The following PDE4B variants were observed in gnomAD, a reference collection of about 807,000 sequenced individuals.
PDE4B encodes the protein phosphodiesterase 4B.
In PDE4B, 20 loss-of-function variants were observed where a neutral mutation model predicts 82.2. That is an observed-to-expected ratio of 0.24 (90% CI 0.17 to 0.35). The LOEUF (loss-of-function observed/expected upper bound fraction) is 0.35, where lower values mean the gene tolerates loss of function less well. PDE4B is among the 10% of genes least tolerant of loss of function. The pLI, the probability that PDE4B is intolerant of heterozygous loss-of-function variation, is 1.00. For synonymous variants in PDE4B, 320 were observed against 318.9 expected, an observed-to-expected ratio of 1.00 and a Z score of -0.04; for missense variants, 655 against 907.2, an observed-to-expected ratio of 0.72 and a Z score of 3.57.
chr1:65,919,056 T>G (rs769043622), intron 3 of PDE4B, among the ~76,000 whole-genome samples: 1 of 152,200 alleles, frequency 6.6e-6, no homozygotes, highest in South Asian at 2.1e-4. Context: ...TTAAAGCTAC[T>G]GAGGAAGGAA....
intron 3 of PDE4B, among the ~76,000 whole-genome samples, chr1:65,962,038 A>G (rs1354889433): frequency 2.0e-5 from 3 of 152,346 alleles, no homozygotes; most frequent in Middle Eastern, 6.8e-3. Flanking sequence ...TGCACTTAAT[A>G]TACGTAACCC....
chr1:66,119,832 A>T (rs1645673607), intron 3 of PDE4B, among the ~76,000 whole-genome samples: 1 of 152,148 alleles, frequency 6.6e-6, no homozygotes, highest in African/African-American at 2.4e-5. Flanking sequence ...GGTATCTTTT[A>T]AAAAAGAGAG....
chr1:66,091,586 A>G (rs80079711), intron 3 of PDE4B, among the ~76,000 whole-genome samples: 8,889 of 152,096 alleles, frequency 0.058, 639 homozygotes, highest in East Asian at 0.31. Flanking sequence ...ATCTCTTCTA[A>G]TTGACTGCCA....
chr1:66,005,012 G>A (rs977067702), intron 3 of PDE4B, among the ~76,000 whole-genome samples: 2 of 151,868 alleles, frequency 1.3e-5, no homozygotes, highest in African/African-American at 4.8e-5. Context: ...TGAGAAGCAT[G>A]GGAAAAGAAA....
intron 3 of PDE4B, among the ~76,000 whole-genome samples, chr1:66,050,877 G>A (rs1018326873): frequency 6.6e-6 from 1 of 152,070 alleles, no homozygotes; most frequent in South Asian, 2.1e-4. Flanking sequence ...ATGAGGAAGG[G>A]AAAAGCAATG....
At chr1:66,211,875 C>T (rs779040484) in intron 3 of PDE4B, among the ~76,000 whole-genome samples, 2 of 152,170 alleles carry the variant, frequency 1.3e-5, no homozygotes, top group East Asian at 1.9e-4. Context: ...TCCCAGCTGG[C>T]GGATATTCTT....
At chr1:66,354,995 T>C (rs1662127081) in intron 8 of PDE4B, 4 of 1,113,796 alleles carry the variant, frequency 3.6e-6, no homozygotes, top group Non-Finnish European at 5.2e-6. Flanking sequence ...ATTTGATTTG[T>C]GTGTTCATTT....
chr1:65,940,310 G>A (rs116471848), intron 3 of PDE4B, among the ~76,000 whole-genome samples: 1,689 of 152,116 alleles, frequency 0.011, 34 homozygotes, highest in African/African-American at 0.039. Flanking sequence ...TGGAAAGCGC[G>A]TGGGGAGAAA....
chr1:66,267,904 A>G (rs1355725614), intron 7 of PDE4B, among the ~76,000 whole-genome samples: 4 of 152,246 alleles, frequency 2.6e-5, no homozygotes, highest in Non-Finnish European at 5.9e-5. Context: ...ATTTATCAGC[A>G]TATGACAAAG....
intron 16 of PDE4B, among the ~76,000 whole-genome samples, chr1:66,370,475 A>G (rs897416005): frequency 6.6e-6 from 1 of 152,192 alleles, no homozygotes; most frequent in Non-Finnish European, 1.5e-5. Context: ...CTCTTGGTCC[A>G]CTACAGCAGC....
intron 3 of PDE4B, among the ~76,000 whole-genome samples, chr1:65,963,643 T>C (rs1028983407): frequency 1.3e-5 from 2 of 152,224 alleles, no homozygotes; most frequent in African/African-American, 4.8e-5. Flanking sequence ...ATGAAGTTTA[T>C]TAACTCAGTT....
intron 3 of PDE4B, among the ~76,000 whole-genome samples, chr1:66,079,077 T>C (rs1030881031): frequency 6.6e-6 from 1 of 152,072 alleles, no homozygotes; most frequent in Admixed American, 6.6e-5. Flanking sequence ...ATAGTGTATA[T>C]TGATTCTCTT....
chr1:65,908,570 T>C (rs888234464), intron 1 of PDE4B, among the ~76,000 whole-genome samples: 2 of 152,170 alleles, frequency 1.3e-5, no homozygotes, highest in South Asian at 4.1e-4. Context: ...CATTTAGTGA[T>C]ATATATATTT....
intron 1 of PDE4B, among the ~76,000 whole-genome samples, chr1:65,796,723 C>A (rs1376308281): frequency 7.0e-6 from 1 of 142,270 alleles, no homozygotes; most frequent in East Asian, 2.1e-4. Context: ...GATCTTGGCT[C>A]TCTGCAAACT....
At chr1:65,853,198 ATTC>A (rs1001608389) in intron 1 of PDE4B, among the ~76,000 whole-genome samples, 1 of 152,052 alleles carries the variant, frequency 6.6e-6, no homozygotes, top group African/African-American at 2.4e-5. Flanking sequence ...TAAAAACAGT[ATTC>A]TTATGATTAC....
At chr1:66,213,752 ATTGT>A (rs1650242805) in intron 3 of PDE4B, among the ~76,000 whole-genome samples, 1 of 152,092 alleles carries the variant, frequency 6.6e-6, no homozygotes, top group Non-Finnish European at 1.5e-5. Flanking sequence ...AGAATTTTAG[ATTGT>A]TTGTGGATTT....
intron 1 of PDE4B, among the ~76,000 whole-genome samples, chr1:65,902,912 C>T (rs1208784685): frequency 3.3e-5 from 5 of 152,116 alleles, no homozygotes; most frequent in Non-Finnish European, 7.4e-5. Context: ...CAGATATAGG[C>T]ACTGTAGTGG....
chr1:66,354,966 G>T, intron 8 of PDE4B: 4 of 1,321,852 alleles, frequency 3.0e-6, no homozygotes, highest in Non-Finnish European at 4.2e-6. Flanking sequence ...TTTTTGTGAA[G>T]TACAGGACAT....
intron 1 of PDE4B, among the ~76,000 whole-genome samples, chr1:65,888,623 C>T (rs761073312): frequency 3.9e-5 from 6 of 152,028 alleles, no homozygotes; most frequent in Non-Finnish European, 5.9e-5. Flanking sequence ...CAATTTCTTT[C>T]GTCAGTGTTT....
Sources: allele counts gnomAD v4.1 joint callset (sites outside exome capture counted in the v4.1 genomes callset), GRCh38; gene constraint gnomAD v4.1.1; transcripts MANE v1.5; gene names NCBI Gene and HGNC (gene_info 2026-07-23, HGNC 2026-07-21).